The following GABRB1 variants were observed in gnomAD, a reference collection of about 807,000 sequenced individuals.
GABRB1 encodes gamma-aminobutyric acid type A receptor subunit beta1, also known as gamma-aminobutyric acid receptor subunit beta-1.
A neutral mutation model predicts 51.6 loss-of-function variants in GABRB1; 17 were observed. That is an observed-to-expected ratio of 0.33 (90% CI 0.23 to 0.49). The LOEUF (loss-of-function observed/expected upper bound fraction) is 0.49, where lower values mean the gene tolerates loss of function less well. GABRB1 is among the 20% of genes least tolerant of loss of function. The pLI is 0.99. For missense variants in GABRB1, 410 were observed against 600.6 expected, an observed-to-expected ratio of 0.68 and a Z score of 3.32; for synonymous variants, 247 against 218.9, an observed-to-expected ratio of 1.13 and a Z score of -1.14.
At chr4:47,385,882 C>A (rs1165216432) in intron 5 of GABRB1, among the ~76,000 whole-genome samples, 1 of 152,184 alleles carries the variant, frequency 6.6e-6, no homozygotes, top group Non-Finnish European at 1.5e-5. Flanking sequence ...AGTCTACTTA[C>A]TACTACTGGT....
intron 5 of GABRB1, among the ~76,000 whole-genome samples, chr4:47,370,168 TA>T (rs1560355402): frequency 1.3e-5 from 2 of 152,178 alleles, no homozygotes; most frequent in Admixed American, 6.5e-5. Context: ...TAATTTGGTT[TA>T]AAAAAATCTT....
At chr4:47,229,786 G>T (rs994576770) in intron 4 of GABRB1, among the ~76,000 whole-genome samples, 2 of 152,008 alleles carry the variant, frequency 1.3e-5, no homozygotes, top group East Asian at 1.9e-4. Flanking sequence ...GGTGATGAAG[G>T]CACAAGTTAA....
chr4:47,386,592 C>T (rs914614568), intron 5 of GABRB1, among the ~76,000 whole-genome samples: 1 of 152,118 alleles, frequency 6.6e-6, no homozygotes, highest in African/African-American at 2.4e-5. Context: ...TAAATTAATG[C>T]AATATAGCTC....
chr4:47,376,243 A>G (rs1433570204), intron 5 of GABRB1, among the ~76,000 whole-genome samples: 4 of 152,222 alleles, frequency 2.6e-5, no homozygotes, highest in African/African-American at 9.7e-5. Flanking sequence ...TTTCAAAAAC[A>G]GTGAAAGGAG....
At chr4:47,273,902 T>C (rs954926800) in intron 4 of GABRB1, among the ~76,000 whole-genome samples, 8 of 126,494 alleles carry the variant, frequency 6.3e-5, no homozygotes, top group African/African-American at 9.2e-5. Context: ...CACACACACA[T>C]TGAAGGTAGA....
chr4:47,323,515 G>A (rs771179715), intron 5 of GABRB1, among the ~76,000 whole-genome samples: 1 of 152,114 alleles, frequency 6.6e-6, no homozygotes, highest in African/African-American at 2.4e-5. Flanking sequence ...TTCTGAAACA[G>A]CTCTTTCTGA....
intron 1 of GABRB1, among the ~76,000 whole-genome samples, chr4:46,997,659 T>A (rs1469716325): frequency 1.3e-5 from 2 of 152,088 alleles, no homozygotes; most frequent in Admixed American, 1.3e-4. Context: ...TCCAGGTTCA[T>A]CCATGTTGTT....
At chr4:47,403,482 T>C (rs758432099) in intron 6 of GABRB1, 27 bp downstream of exon 6, 3 of 1,613,570 alleles carry the variant, frequency 1.9e-6, no homozygotes, top group Non-Finnish European at 2.5e-6. Flanking sequence ...CAAAATGTAC[T>C]AGGGGTGCTG....
At chr4:47,123,452 TTATAA>T (rs1160591167) in intron 3 of GABRB1, among the ~76,000 whole-genome samples, 2 of 104,926 alleles carry the variant, frequency 1.9e-5, no homozygotes, top group Non-Finnish European at 3.6e-5. Flanking sequence ...ATTTTATATA[TTATAA>T]TATATTATAT....
intron 3 of GABRB1, among the ~76,000 whole-genome samples, chr4:47,084,090 G>A (rs1039496513): frequency 6.6e-6 from 1 of 152,180 alleles, no homozygotes. Context: ...ATTAGAGTAA[G>A]TCATCAATAT....
At chr4:47,033,057 C>G in intron 3 of GABRB1, 1 of 266,772 alleles carries the variant, frequency 3.7e-6, no homozygotes, top group Non-Finnish European at 7.6e-6. Context: ...GAAAAGTGCC[C>G]GAGCCTGGGT....
At chr4:47,242,106 C>A (rs1007095768) in intron 4 of GABRB1, among the ~76,000 whole-genome samples, 8 of 152,068 alleles carry the variant, frequency 5.3e-5, no homozygotes, top group South Asian at 2.1e-4. Flanking sequence ...CTCATTGTTC[C>A]GTTCCCACCT....
At chr4:47,181,608 TAG>T in intron 4 of GABRB1, among the ~76,000 whole-genome samples, 1 of 152,094 alleles carries the variant, frequency 6.6e-6, no homozygotes, top group South Asian at 2.1e-4. Flanking sequence ...AGGGCAAAAA[TAG>T]TAGTGCCTAT....
At chr4:47,301,468 TC>T (rs11337815) in intron 4 of GABRB1, among the ~76,000 whole-genome samples, 32,105 of 151,432 alleles carry the variant, frequency 0.21, 4,299 homozygotes, top group Middle Eastern at 0.39. Flanking sequence ...GAGATCCCCA[TC>T]TCTACAATAA....
chr4:47,209,222 T>A (rs1048061378), intron 4 of GABRB1, among the ~76,000 whole-genome samples: 3 of 152,118 alleles, frequency 2.0e-5, no homozygotes, highest in African/African-American at 7.2e-5. Flanking sequence ...CAAACGTCAC[T>A]TCAGATCACA....
chr4:47,401,838 A>G (rs1728404188), intron 5 of GABRB1, among the ~76,000 whole-genome samples: 2 of 36,198 alleles, frequency 5.5e-5, no homozygotes, highest in African/African-American at 2.9e-4. Context: ...CTATCTATCT[A>G]TCATCTATCT....
Position 47,237,807 on chromosome 4 carries a change from T to G in GABRB1, c.461+76338T>G, listed in dbSNP as rs73815419. On this transcript the variant is annotated intron_variant, in intron 4 of 8. Transcript: ENST00000295454. ...AAATGCTTTACTATCATAATAGAACTCTACTTGGTGTTTGACCTCAAAAAA... is the reference window on the plus strand; with the variant it reads ...AAATGCTTTACTATCATAATAGAACGCTACTTGGTGTTTGACCTCAAAAAA... Among the ~76,000 whole-genome samples, 1,212 of 152,084 alleles carry G rather than the reference T, an allele frequency of 8.0e-3. 14 individuals carry two copies. The highest frequency in any genetic ancestry group is 0.027 in the African/African-American group (1,141 of 41,560).
At chr4:47,222,763 G>A (rs891206771) in intron 4 of GABRB1, among the ~76,000 whole-genome samples, 3 of 152,054 alleles carry the variant, frequency 2.0e-5, no homozygotes, top group African/African-American at 7.2e-5. Context: ...ACACATTGGA[G>A]TAATTTGTTA....
chr4:47,234,496 A>G (rs556599375), intron 4 of GABRB1, among the ~76,000 whole-genome samples: 1 of 152,118 alleles, frequency 6.6e-6, no homozygotes, highest in East Asian at 1.9e-4. Context: ...TCAAAAAAAA[A>G]AAAATTGCTA....
Sources: allele counts gnomAD v4.1 joint callset (sites outside exome capture counted in the v4.1 genomes callset), GRCh38; gene constraint gnomAD v4.1.1; transcripts MANE v1.5; gene names NCBI Gene and HGNC (gene_info 2026-07-23, HGNC 2026-07-21).